The following ABHD2 variants were observed in gnomAD, a reference collection of about 807,000 sequenced individuals.
ABHD2 encodes monoacylglycerol lipase ABHD2.
ABHD2 carries 20 observed loss-of-function variants against 48.1 expected under a neutral mutation model. The ratio of observed to expected loss-of-function variants is 0.42; its 90% CI spans 0.29 to 0.60. The LOEUF is 0.60. Among genes scored for constraint, ABHD2 ranks in the 20% least tolerant of loss-of-function variants. ABHD2 has a pLI of 0.24. For synonymous variants in ABHD2, 209 were observed against 214.2 expected (o/e 0.98, Z 0.21); for missense variants, 405 against 550.9 (o/e 0.74, Z 2.65).
intron 3 of ABHD2, chr15:89,135,517 AG>A: frequency 8.6e-7 from 1 of 1,162,278 alleles, no homozygotes. Flanking sequence ...TTTATAGACG[AG>A]AAAAAAAACT....
At chr15:89,135,991 A>T in intron 3 of ABHD2, 1 of 299,320 alleles carries the variant, frequency 3.3e-6, no homozygotes, top group Non-Finnish European at 6.3e-6. Context: ...CAATGGCGCA[A>T]TCTCAGCTCA....
chr15:89,125,015 G>A (rs1259747056), intron 3 of ABHD2, among the ~76,000 whole-genome samples: 1 of 152,158 alleles, frequency 6.6e-6, no homozygotes, highest in Non-Finnish European at 1.5e-5. Flanking sequence ...CTTGAACCCA[G>A]GAGGTGGAGG....
At chr15:89,043,975 C>T in the ABHD2 span, among the ~76,000 whole-genome samples, 1 of 150,974 alleles carries the variant, frequency 6.6e-6, no homozygotes, top group Non-Finnish European at 1.5e-5. Flanking sequence ...CATATGTATA[C>T]ATGTGCCATG....
the ABHD2 span, among the ~76,000 whole-genome samples, chr15:89,062,366 G>T: frequency 0.014 from 2,176 of 151,796 alleles, 61 homozygotes; most frequent in African/African-American, 0.05. Flanking sequence ...TTGTGTGGGG[G>T]GGTGGGTTTT....
At chr15:89,049,346 G>A in the ABHD2 span, among the ~76,000 whole-genome samples, 1 of 152,226 alleles carries the variant, frequency 6.6e-6, no homozygotes, top group Non-Finnish European at 1.5e-5. Context: ...CTTTTTGTTT[G>A]TCTGTGCCCT....
chr15:89,136,092 A>ATT (rs35713906), intron 3 of ABHD2: 29,258 of 166,650 alleles, frequency 0.18, 2,710 homozygotes, highest in Admixed American at 0.29. Flanking sequence ...ATGCCTGGCA[A>ATT]TTTTTTTTTT....
At chr15:89,079,131 T>C in the ABHD2 span, among the ~76,000 whole-genome samples, 1 of 152,256 alleles carries the variant, frequency 6.6e-6, no homozygotes, top group Admixed American at 6.5e-5. This position sits in a 1 kb window ranked among gnomAD's most constrained non-coding sequence, Gnocchi z 4.3. Flanking sequence ...ATTAGATTTC[T>C]TCCTCTACTC....
rs564961133 is a variant in ABHD2 at position 89,188,086 on chromosome 15, G to C, written c.816-107G>C. On this transcript the variant is annotated intron_variant, in intron 7 of 10. Transcript: ENST00000352732. This position sits in a 1 kb window ranked among gnomAD's most constrained non-coding sequence, Gnocchi z 4.1. ...AAGGCTAAAGGTTCTATTTCTAACT[G>C]ACCACGTTGGCTCTCCCTCCTGGCT... 4 of 824,612 alleles carry C rather than the reference G, an allele frequency of 4.9e-6. No homozygotes were observed. In the African/African-American group the frequency reaches 6.7e-5, roughly 14 times the overall value. The allele number at this position is 824,612 out of a possible 1,614,324, so 51.1% of individuals were successfully genotyped here.
rs766255706 is a variant in ABHD2, at chr15:89,167,064, G to T, written c.539-8748G>T. Among the ~76,000 whole-genome samples, 3 of 152,120 alleles carry T rather than the reference G, an allele frequency of 2.0e-5. No homozygotes were observed. The highest frequency in any genetic ancestry group is 4.4e-5 in the Non-Finnish European group (3 of 68,026). On this transcript the variant is annotated intron_variant, in intron 5 of 10. Transcript: ENST00000352732. This position sits in a 1 kb window ranked among gnomAD's most constrained non-coding sequence, Gnocchi z 5.5. ...CCCTCTTGGAGAGACTAGGATGTAG[G>T]GTTACCTACCTTTAGCATGCTGTAG...
chr15:89,201,344 G>A lies in ABHD2; in HGVS notation c.*5921G>A, dbSNP rs942912295. Reference sequence around the variant, plus strand: ...AAGTGAAGCACTGTGTGGTTGTGGCGTGGGCCCGTCTTGCTTAGATGCATT... The same window carrying A: ...AAGTGAAGCACTGTGTGGTTGTGGCATGGGCCCGTCTTGCTTAGATGCATT... On this transcript the variant is annotated 3_prime_UTR_variant, in exon 11 of 11. Coordinates refer to ENST00000352732, the MANE Select transcript of ABHD2 (RefSeq NM_152924.5). 5.3e-5 allele frequency: 55 copies of A among 1,029,374 alleles called. No homozygotes were observed. The highest frequency in any genetic ancestry group is 4.1e-4 in the Middle Eastern group (2 of 4,852). 63.8% of individuals were successfully genotyped at this position (1,029,374 alleles called of 1,614,324 possible).
In ABHD2 at chr15:89,176,275, G is replaced by A. The variant is rs752485905; in HGVS notation, c.722+280G>A. 3.3e-5 allele frequency among the ~76,000 whole-genome samples: 5 copies of A among 152,130 alleles called. No homozygotes were observed. The highest frequency in any genetic ancestry group is 7.2e-5 in the African/African-American group (3 of 41,422). On this transcript the variant is annotated intron_variant, in intron 6 of 10. Transcript: ENST00000352732. The surrounding 1 kb of genome is among the most constrained non-coding windows in gnomAD (Gnocchi z 4.5). Reference sequence around the variant, plus strand: ...AGTTGCTGTCTCCTAGGGAATCTCTGTCAGGTGACTTAATTTGTTCAGGCT... The same window carrying A: ...AGTTGCTGTCTCCTAGGGAATCTCTATCAGGTGACTTAATTTGTTCAGGCT...
At chr15:89,150,076 T>G (rs1231945064) in intron 3 of ABHD2, among the ~76,000 whole-genome samples, 1 of 152,172 alleles carries the variant, frequency 6.6e-6, no homozygotes, top group Non-Finnish European at 1.5e-5. Flanking sequence ...AAAAAGAAAT[T>G]TTACTTCATT....
chr15:89,051,432 A>G, the ABHD2 span, among the ~76,000 whole-genome samples: 4 of 152,192 alleles, frequency 2.6e-5, no homozygotes, highest in Admixed American at 2.6e-4. Flanking sequence ...AGGTAAAACA[A>G]GATGAACACC....
At chr15:89,069,124 T>TTC in the ABHD2 span, among the ~76,000 whole-genome samples, 344 of 100,348 alleles carry the variant, frequency 3.4e-3, no homozygotes, top group Middle Eastern at 0.011. Context: ...TTTCTTTTCT[T>TTC]TTTTTTTTTT....
At chr15:89,057,341 A>G in the ABHD2 span, among the ~76,000 whole-genome samples, 1 of 152,166 alleles carries the variant, frequency 6.6e-6, no homozygotes, top group African/African-American at 2.4e-5. Context: ...CTCATAGCTA[A>G]TTCCCTTCCT....
rs557686103 is a variant in ABHD2 at position 89,179,160 on chromosome 15, G to T, written c.722+3165G>T. Among the ~76,000 whole-genome samples, 13 of 152,322 alleles carry T rather than the reference G, an allele frequency of 8.5e-5. No homozygotes were observed. The East Asian group carries it at 1.5e-3, about 18-fold the overall frequency. On this transcript the variant is annotated intron_variant, in intron 6 of 10. Transcript: ENST00000352732. The surrounding 1 kb of genome is among the most constrained non-coding windows in gnomAD (Gnocchi z 4.3). ...GGGGGGTCCATGAGGAGGGATTTCT[G>T]AAGGAGGTGAGGGTGAGGAGGACAG... is the stretch of plus-strand genomic sequence containing the variant.
At chr15:89,090,208 G>T (rs1344349151) in intron 1 of ABHD2, 1 of 152,182 alleles carries the variant, frequency 6.6e-6, no homozygotes, top group Non-Finnish European at 1.5e-5. Context: ...TCCCAGCCCT[G>T]CCTCTTACTG....
Position 89,199,038 on chromosome 15 carries a change from C to T in ABHD2, c.*3615C>T, listed in dbSNP as rs1461717608. On this transcript the variant is annotated 3_prime_UTR_variant, in exon 11 of 11. Coordinates refer to ENST00000352732, the MANE Select transcript of ABHD2 (RefSeq NM_152924.5). This position sits in a 1 kb window ranked among gnomAD's most constrained non-coding sequence, Gnocchi z 4.1. ...ACTCAGGCAGAGCATTGAGAATTCC[C>T]AGGGCAGAAATCCTTCCTGCTCAGG... The T allele has an allele frequency of 6.6e-6, 1 of 152,130 alleles. No homozygotes were observed. The highest frequency in any genetic ancestry group is 1.5e-5 in the Non-Finnish European group (1 of 68,044). 9.4% of individuals were successfully genotyped at this position (152,130 alleles called of 1,614,324 possible).
Position 89,091,105 on chromosome 15 carries a change from T to C in ABHD2, c.-107+2542T>C, listed in dbSNP as rs954633354. On this transcript the variant is annotated intron_variant, in intron 1 of 10. Coordinates refer to ENST00000352732, the MANE Select transcript of ABHD2 (RefSeq NM_152924.5). This position sits in a 1 kb window ranked among gnomAD's most constrained non-coding sequence, Gnocchi z 5.5. ...CTTTTTCCTCTCATTTTAGTCAGGGTCGTTCACTTTTTTCCCTTTTTACTC... is the reference window on the plus strand; with the variant it reads ...CTTTTTCCTCTCATTTTAGTCAGGGCCGTTCACTTTTTTCCCTTTTTACTC... Among the ~76,000 whole-genome samples the C allele has an allele frequency of 6.6e-6, 1 of 152,096 alleles. No individual in the cohort carries two copies. The highest frequency in any genetic ancestry group is 2.4e-5 in the African/African-American group (1 of 41,402).
Sources: gnomAD v4.1 joint callset for allele counts (sites outside exome capture counted in the v4.1 genomes callset) on GRCh38, gnomAD v4.1.1 for gene constraint, Gnocchi (gnomAD v3.1) non-coding constraint, MANE v1.5 for transcripts, NCBI Gene and HGNC (gene_info 2026-07-23, HGNC 2026-07-21) for gene names.